The following UBAC2 variants were observed in gnomAD, a reference collection of about 807,000 sequenced individuals.
UBAC2 encodes ubiquitin-associated domain-containing protein 2.
Under a neutral mutation model 44.0 loss-of-function variants are expected in UBAC2, and 26 were observed. The ratio of observed to expected loss-of-function variants is 0.59; its 90% CI spans 0.43 to 0.82. The LOEUF is 0.82. Ranked by LOEUF, UBAC2 falls within the 40% of genes least tolerant of loss-of-function variation. UBAC2 has a pLI of 0.00. For synonymous variants in UBAC2, 155 were observed against 154.3 expected (o/e 1.00, Z -0.04); for missense variants, 329 against 419.4 (o/e 0.78, Z 1.88).
chr13:99,347,333 C>G (rs113082622), intron 7 of UBAC2, among the ~76,000 whole-genome samples: 1 of 81,488 alleles, frequency 1.2e-5, no homozygotes, highest in Non-Finnish European at 3.0e-5. Flanking sequence ...CCCCCCCCCC[C>G]CAGGAAAAAA....
chr13:99,338,039 CTTTTTTTCTTTTTTTTTTTTTTTTT>C (rs2044819802), intron 6 of UBAC2, among the ~76,000 whole-genome samples: 1 of 91,562 alleles, frequency 1.1e-5, no homozygotes, highest in Non-Finnish European at 1.9e-5. Flanking sequence ...AACTTTTTTT[CTTTTTTTCTTTTTTTTTTTTTTTTT>C]TTTTTTTTTT....
chr13:99,228,052 A>G (rs1472045550), intron 1 of UBAC2, among the ~76,000 whole-genome samples: 1 of 152,050 alleles, frequency 6.6e-6, no homozygotes, highest in African/African-American at 2.4e-5. Context: ...GACTTTTTTG[A>G]GTCATGTTGA....
In UBAC2 at chr13:99,206,887, C is replaced by T. The variant is rs141835771; in HGVS notation, c.31+5948C>T. 5.1e-4 allele frequency among the ~76,000 whole-genome samples: 77 copies of T among 152,370 alleles called. No individual in the cohort carries two copies. In the East Asian group the frequency reaches 0.014, roughly 27 times the overall value. Reference sequence around the variant, plus strand: ...GGGGCCATCACCTGGGTGCTCCTTCCGCTTCCTGCTCCCTCTCTCTGACTT... The same window carrying T: ...GGGGCCATCACCTGGGTGCTCCTTCTGCTTCCTGCTCCCTCTCTCTGACTT... On this transcript the variant is annotated intron_variant, in intron 1 of 8. Coordinates refer to ENST00000403766, the MANE Select transcript of UBAC2 (RefSeq NM_001144072.2).
chr13:99,305,507 G>A (rs766485339), intron 4 of UBAC2, among the ~76,000 whole-genome samples: 1 of 152,130 alleles, frequency 6.6e-6, no homozygotes, highest in Non-Finnish European at 1.5e-5. Flanking sequence ...ATGATGACTT[G>A]ATCTCATCCA....
chr13:99,238,702 C>T (rs1440415840), intron 2 of UBAC2, 148 bp downstream of exon 2: 1 of 725,242 alleles, frequency 1.4e-6, no homozygotes, highest in African/African-American at 1.8e-5. Flanking sequence ...AGTAACTTTT[C>T]TAGTTATTGA....
intron 4 of UBAC2, among the ~76,000 whole-genome samples, chr13:99,312,477 G>A (rs557010403): frequency 2.6e-4 from 40 of 152,258 alleles, no homozygotes; most frequent in African/African-American, 8.2e-4. Flanking sequence ...TAAGATTTCC[G>A]TCCTGTGATG....
chr13:99,339,530 C>T (rs1200305150), intron 6 of UBAC2, among the ~76,000 whole-genome samples: 1 of 152,118 alleles, frequency 6.6e-6, no homozygotes, highest in Non-Finnish European at 1.5e-5. Flanking sequence ...GCCAATTCAT[C>T]AATTTAAATT....
chr13:99,260,041 C>T (rs989252918), intron 4 of UBAC2, among the ~76,000 whole-genome samples: 1 of 152,212 alleles, frequency 6.6e-6, no homozygotes, highest in Admixed American at 6.5e-5. Context: ...TACATTTGCT[C>T]TTCCTGCCTC....
intron 4 of UBAC2, among the ~76,000 whole-genome samples, chr13:99,249,214 TC>T (rs1255928733): frequency 6.6e-6 from 1 of 151,902 alleles, no homozygotes; most frequent in African/African-American, 2.4e-5. Flanking sequence ...CTAATAGTCT[TC>T]CGTGTCTGTT....
intron 4 of UBAC2, chr13:99,312,810 G>C (rs1332566917): frequency 6.5e-6 from 1 of 153,588 alleles, no homozygotes; most frequent in Admixed American, 6.5e-5. Flanking sequence ...CCTTGTGTGT[G>C]TTGGGCCAGA....
At chr13:99,201,604 C>T (rs2142625430) in intron 1 of UBAC2, 2 of 1,609,926 alleles carry the variant, frequency 1.2e-6, no homozygotes, top group Non-Finnish European at 1.7e-6. Flanking sequence ...AGTTAAACGG[C>T]TTTTCTCACT....
chr13:99,286,525 G>A (rs537327046), intron 4 of UBAC2, among the ~76,000 whole-genome samples: 4 of 151,010 alleles, frequency 2.6e-5, no homozygotes, highest in East Asian at 1.9e-4. Flanking sequence ...TTTTAGGTTC[G>A]GGGGGTACAT....
chr13:99,349,905 A>C (rs1259701969), intron 7 of UBAC2, among the ~76,000 whole-genome samples: 1 of 151,620 alleles, frequency 6.6e-6, no homozygotes, highest in Non-Finnish European at 1.5e-5. Context: ...GTGTTCCCTG[A>C]CTCCTCCAAT....
chr13:99,242,699 C>T (rs12866777), intron 2 of UBAC2, among the ~76,000 whole-genome samples: 4 of 141,078 alleles, frequency 2.8e-5, no homozygotes, highest in Admixed American at 7.0e-5. Context: ...CCCCCACCTC[C>T]CTCCCCGACG....
chr13:99,204,895 C>T (rs1213813556), intron 1 of UBAC2, among the ~76,000 whole-genome samples: 3 of 126,174 alleles, frequency 2.4e-5, no homozygotes, highest in South Asian at 2.6e-4. Flanking sequence ...GGGGGAGTTT[C>T]GTTTCCTTTT....
Position 99,201,601 on chromosome 13 carries a change from C to A in UBAC2, c.31+662C>A, listed in dbSNP as rs763131413. The A allele has an allele frequency of 5.6e-6, 9 of 1,610,850 alleles. No homozygotes were observed. The South Asian group carries it at 6.6e-5, about 12-fold the overall frequency. ...CGGAGTATTTTTACAGCCAGTTAAA[C>A]GGCTTTTCTCACTGAGTGTGTGGAA... On this transcript the variant is annotated intron_variant, in intron 1 of 8. Coordinates refer to ENST00000403766, the MANE Select transcript of UBAC2 (RefSeq NM_001144072.2).
intron 6 of UBAC2, among the ~76,000 whole-genome samples, chr13:99,339,851 G>T (rs957183523): frequency 6.6e-6 from 1 of 152,168 alleles, no homozygotes; most frequent in Admixed American, 6.5e-5. Flanking sequence ...TAAAAACCAA[G>T]ATTTTAGATT....
intron 4 of UBAC2, among the ~76,000 whole-genome samples, 188 bp downstream of exon 4, chr13:99,244,812 T>TATTA (rs56134626): frequency 0.57 from 86,838 of 151,308 alleles, 26,663 homozygotes; most frequent in Non-Finnish European, 0.71. Context: ...ATCAATTTTA[T>TATTA]ATTCTTTCTT....
At chr13:99,319,864 A>G (rs1267586408) in intron 6 of UBAC2, among the ~76,000 whole-genome samples, 1 of 152,240 alleles carries the variant, frequency 6.6e-6, no homozygotes, top group African/African-American at 2.4e-5. Flanking sequence ...TGAGAACAGC[A>G]AAGAAGGAGC....
Sources: allele counts gnomAD v4.1 joint callset (sites outside exome capture counted in the v4.1 genomes callset), GRCh38; gene constraint gnomAD v4.1.1; transcripts MANE v1.5; gene names NCBI Gene and HGNC (gene_info 2026-07-23, HGNC 2026-07-21).